The following DHX36 variants were observed in gnomAD, a reference collection of about 807,000 sequenced individuals.
DHX36 encodes the protein ATP-dependent DNA/RNA helicase DHX36.
In DHX36, 50 loss-of-function variants were observed where a neutral mutation model predicts 139.0. The ratio of observed to expected loss-of-function variants is 0.36; its 90% CI spans 0.29 to 0.46. DHX36 has a LOEUF of 0.46. DHX36 is among the 20% of genes least tolerant of loss of function. The pLI, the probability that DHX36 is intolerant of heterozygous loss-of-function variation, is 1.00. For missense variants in DHX36, 1,024 were observed against 1,211.3 expected (o/e 0.85, Z 2.29); for synonymous variants, 425 against 401.9 (o/e 1.06, Z -0.69).
At chr3:154,310,821 A>ATATATGTG (rs1712725379) in intron 4 of DHX36, among the ~76,000 whole-genome samples, 2 of 24,102 alleles carry the variant, frequency 8.3e-5, no homozygotes, top group African/African-American at 4.0e-4. Flanking sequence ...ATATATATAT[A>ATATATGTG]TATATATATA....
At chr3:154,298,676 G>C (rs1452023857) in intron 12 of DHX36, among the ~76,000 whole-genome samples, 1 of 152,124 alleles carries the variant, frequency 6.6e-6, no homozygotes, top group African/African-American at 2.4e-5. Context: ...CAGCACTTGG[G>C]AGGCCGAGGC....
rs1478998166 is a variant in DHX36, at chr3:154,276,001, T to C, written c.*170A>G. On this transcript the variant is annotated 3_prime_UTR_variant, in exon 25 of 25. Coordinates refer to ENST00000496811, the MANE Select transcript of DHX36 (RefSeq NM_020865.3). ...TGGTATATATATATATATATATATA[T>C]CTCTACATATAACATCAAGTCATGC... is the stretch of plus-strand genomic sequence containing the variant. 9.4e-6 allele frequency: 4 copies of C among 425,864 alleles called. No individual in the cohort carries two copies. Among genetic ancestry groups the C allele is most frequent in the African/African-American group, 2.1e-5 (1 of 48,182 alleles). The allele number at this position is 425,864 out of a possible 1,614,324, so 26.4% of individuals were successfully genotyped here. A position where few individuals can be genotyped will look rare whatever the true frequency, so the allele number is the denominator to read the frequency against.
intron 12 of DHX36, among the ~76,000 whole-genome samples, chr3:154,297,701 C>G (rs1810147): frequency 0.18 from 26,349 of 148,320 alleles, 2,996 homozygotes; most frequent in East Asian, 0.39. Context: ...CAGAGCGAGA[C>G]TCCACCTCAA....
At chr3:154,306,046 G>A (rs948328151) in intron 6 of DHX36, among the ~76,000 whole-genome samples, 170 bp downstream of exon 6, 6 of 152,124 alleles carry the variant, frequency 3.9e-5, no homozygotes, top group Non-Finnish European at 7.4e-5. Context: ...TCTGATGTGG[G>A]GTTAAAAGAT....
At chr3:154,292,732 C>CACTAAA (rs1559949936) in intron 14 of DHX36, 38 bp from the exon 15 acceptor site, 1 of 519,860 alleles carries the variant, frequency 1.9e-6, no homozygotes, top group Admixed American at 3.6e-5. Context: ...TTAAAACACA[C>CACTAAA]ACACACACAC....
chr3:154,276,070 T>A lies in DHX36; in HGVS notation c.*101A>T. ...CTACTGAAGGCTTCTACCTTACACA[T>A]GAAAATTGTTCATGTCCCAGGGTTT... On this transcript the variant is annotated 3_prime_UTR_variant, in exon 25 of 25. Transcript: ENST00000496811. 1 of 1,163,272 alleles carries A rather than the reference T, an allele frequency of 8.6e-7. No homozygotes were observed. The highest frequency in any genetic ancestry group is 2.4e-5 in the East Asian group (1 of 42,362). 72.1% of individuals were successfully genotyped at this position (1,163,272 alleles called of 1,614,324 possible). A position where few individuals can be genotyped will look rare whatever the true frequency, so the allele number is the denominator to read the frequency against.
intron 15 of DHX36, among the ~76,000 whole-genome samples, chr3:154,292,069 C>T (rs1711843356): frequency 6.6e-6 from 1 of 152,116 alleles, no homozygotes; most frequent in Non-Finnish European, 1.5e-5. Flanking sequence ...GGATTCAAAT[C>T]CTGGCTCTGT....
intron 7 of DHX36, 39 bp downstream of exon 7, chr3:154,305,055 T>C (rs1251817011): frequency 1.3e-6 from 2 of 1,591,720 alleles, no homozygotes; most frequent in South Asian, 1.2e-5. Context: ...ATTACATCTT[T>C]TGATAACACT....
At chr3:154,289,958 C>A (rs112746972) in intron 15 of DHX36, 132 bp from the exon 16 acceptor site, 8 of 556,600 alleles carry the variant, frequency 1.4e-5, no homozygotes, top group East Asian at 2.9e-5. Flanking sequence ...AGCTAATGTA[C>A]GTAATTATTT....
At chr3:154,321,620 A>C (rs1210360406) in intron 1 of DHX36, among the ~76,000 whole-genome samples, 2 of 152,218 alleles carry the variant, frequency 1.3e-5, no homozygotes, top group Non-Finnish European at 2.9e-5. Context: ...GTCCTCAATA[A>C]ATATTTGTTG....
intron 12 of DHX36, among the ~76,000 whole-genome samples, chr3:154,299,351 G>C (rs1346466989): frequency 6.7e-6 from 1 of 150,144 alleles, no homozygotes; most frequent in East Asian, 1.9e-4. Flanking sequence ...GTTAATGATT[G>C]CTGAAAATAC....
In DHX36 at chr3:154,292,701, G is replaced by C; in HGVS notation, c.1671-7C>G. 1 of 1,602,462 alleles carries C rather than the reference G, an allele frequency of 6.2e-7. No individual in the cohort carries two copies. Among genetic ancestry groups the C allele is most frequent in the Non-Finnish European group, 8.5e-7 (1 of 1,175,346 alleles). ...GACATCATCTATGGTAATGCTGTTT[G>C]GAAAACAGATATATAAAATGTTAAA... On this transcript the variant is annotated splice_polypyrimidine_tract_variant and splice_region_variant and intron_variant, in intron 14 of 24. Transcript: ENST00000496811.
intron 12 of DHX36, among the ~76,000 whole-genome samples, chr3:154,299,084 C>G (rs1712159026): frequency 6.6e-6 from 1 of 152,006 alleles, no homozygotes; most frequent in Non-Finnish European, 1.5e-5. Flanking sequence ...CCAGCCTGGT[C>G]AACATAGTGA....
intron 8 of DHX36, 67 bp downstream of exon 8, chr3:154,304,739 C>T: frequency 8.3e-7 from 1 of 1,201,298 alleles, no homozygotes; most frequent in African/African-American, 1.5e-5. Context: ...TTACCTAGTA[C>T]CATATTAATT....
intron 3 of DHX36, among the ~76,000 whole-genome samples, chr3:154,312,789 C>T (rs573996341): frequency 4.3e-5 from 6 of 141,110 alleles, no homozygotes; most frequent in Admixed American, 1.5e-4. Flanking sequence ...GATCGTGCCA[C>T]GGCACTCCAG....
At chr3:154,310,369 C>T (rs1712682787) in intron 4 of DHX36, among the ~76,000 whole-genome samples, 1 of 152,036 alleles carries the variant, frequency 6.6e-6, no homozygotes, top group Admixed American at 6.6e-5. Flanking sequence ...AAATTGTATA[C>T]ATTAATATTT....
At chr3:154,321,474 G>A (rs1477760064) in intron 1 of DHX36, among the ~76,000 whole-genome samples, 2 of 152,118 alleles carry the variant, frequency 1.3e-5, no homozygotes, top group Non-Finnish European at 2.9e-5. Flanking sequence ...CTTGCCCTGA[G>A]TTAGGTGATA....
rs748658774 is a variant in DHX36 at position 154,306,194 on chromosome 3, A to G, written c.893+22T>C. ...AAGTTTCACTAAAATCTGCCTGTATATAAGAAGTGAACATTTCTTACCTCT... is the reference window on the plus strand; with the variant it reads ...AAGTTTCACTAAAATCTGCCTGTATGTAAGAAGTGAACATTTCTTACCTCT... On this transcript the variant is annotated intron_variant, in intron 6 of 24. Transcript: ENST00000496811. 5 of 1,559,612 alleles carry G rather than the reference A, an allele frequency of 3.2e-6. No homozygotes were observed. In the Admixed American group the frequency reaches 8.5e-5, roughly 27 times the overall value.
At chr3:154,288,757 T>C (rs1280928532) in intron 17 of DHX36, 109 bp downstream of exon 17, 1 of 497,454 alleles carries the variant, frequency 2.0e-6, no homozygotes, top group African/African-American at 2.0e-5. Flanking sequence ...AATTTGGCAT[T>C]GGACATTATT....
Sources: gnomAD v4.1 joint callset for allele counts (sites outside exome capture counted in the v4.1 genomes callset) on GRCh38, gnomAD v4.1.1 for gene constraint, MANE v1.5 for transcripts, NCBI Gene and HGNC (gene_info 2026-07-23, HGNC 2026-07-21) for gene names.